Variants in KIF21B observed in about 807,000 individuals in gnomAD.
The protein encoded by KIF21B is kinesin-like protein KIF21B.
In KIF21B, 85 loss-of-function variants were observed where a neutral mutation model predicts 192.9. The observed-to-expected ratio is 0.44, with a 90% confidence interval of 0.37 to 0.53. The LOEUF (loss-of-function observed/expected upper bound fraction) is 0.53, where lower values mean the gene tolerates loss of function less well. KIF21B is among the 20% of genes least tolerant of loss of function. The pLI is 0.00. For missense variants in KIF21B, 1,716 were observed against 2,194.8 expected, an observed-to-expected ratio of 0.78 and a Z score of 4.36; for synonymous variants, 832 against 884.6, an observed-to-expected ratio of 0.94 and a Z score of 1.05.
At position 200,986,836 on chromosome 1, in the gene KIF21B, G is replaced by A; in HGVS notation, c.3689+8C>T. ...GACTCTGGAGCAGATTCTAGAACAT[G>A]ATCTCACCTAATGGGCTGCCCTCGG... On this transcript the variant is annotated splice_region_variant and intron_variant, in intron 26 of 34. Transcript: ENST00000461742. 3 of 1,609,336 alleles carry A rather than the reference G, an allele frequency of 1.9e-6. No homozygotes were observed. The highest frequency in any genetic ancestry group is 2.5e-6 in the Non-Finnish European group (3 of 1,177,060).
rs778081050 is a variant in KIF21B at position 201,004,423 on chromosome 1, C to T, written c.933G>A (p.Gly311=). 3 of 1,579,854 alleles carry T rather than the reference C, an allele frequency of 1.9e-6. No individual in the cohort carries two copies. The highest frequency in any genetic ancestry group is 1.8e-5 in the Admixed American group (1 of 54,308). Residue 311 remains glycine, a synonymous_variant, in exon 7 of 35, where the codon GGG becomes GGA. Transcript: ENST00000461742. ...CGTGCACCACCTTCTTGCTCTGGTC[C>T]CCTAAGGCGCTGATCACATTGCCCA... is the stretch of plus-strand genomic sequence containing the variant. The part of the protein sequence containing the change: ...LALGNVISAL[G]DQSKKVVHVP...
chr1:201,015,550 C>T (rs770166909), intron 1 of KIF21B, among the ~76,000 whole-genome samples: 1 of 152,240 alleles, frequency 6.6e-6, no homozygotes, highest in Non-Finnish European at 1.5e-5. Context: ...TGCCCTGATT[C>T]CATGATCTCT....
intron 8 of KIF21B, chr1:201,003,309 A>T (rs1344226243): frequency 3.9e-6 from 2 of 515,418 alleles, no homozygotes; most frequent in Non-Finnish European, 7.1e-6. Flanking sequence ...TGTGCACAAG[A>T]TCTATGCAAC....
At position 200,990,889 on chromosome 1, in the gene KIF21B, A is replaced by C; in HGVS notation, c.2687+28T>G. 1 of 1,611,738 alleles carries C rather than the reference A, an allele frequency of 6.2e-7. No individual in the cohort carries two copies. The highest frequency in any genetic ancestry group is 1.1e-5 in the South Asian group (1 of 91,040). On this transcript the variant is annotated intron_variant, in intron 18 of 34. Transcript: ENST00000461742. The surrounding 1 kb of genome is among the most constrained non-coding windows in gnomAD (Gnocchi z 5.4). ...ATATTCCCACCCCCTCTGCCTGCAC[A>C]GGCCAGGGGACTGCCAGTCCACCTT...
chr1:200,973,878 T>C (rs921946241), intron 34 of KIF21B: 23 of 1,455,110 alleles, frequency 1.6e-5, no homozygotes, highest in Non-Finnish European at 1.6e-5. Context: ...ACCCATCTCC[T>C]GGGGCCTGTC....
Position 201,007,327 on chromosome 1 carries a change from GACAC to G in KIF21B, c.447+1438_447+1441del, listed in dbSNP as rs1247853163. On this transcript the variant is annotated intron_variant, in intron 3 of 34. Transcript: ENST00000461742. The stretch of plus-strand genomic sequence containing the variant: ...ACAGACACGGACACAGAGACACACA[GACAC>G]ACACACAGACACAGAGACACATAGA... Among the ~76,000 whole-genome samples the G allele has an allele frequency of 7.9e-5, 4 of 50,346 alleles. 1 individual carries two copies. The highest frequency in any genetic ancestry group is 1.5e-4 in the Non-Finnish European group (4 of 27,116). The allele number at this position is 50,346 out of a possible 152,430, so 33.0% of individuals were successfully genotyped here. A position where few individuals can be genotyped will look rare whatever the true frequency, so the allele number is the denominator to read the frequency against.
intron 16 of KIF21B, among the ~76,000 whole-genome samples, chr1:200,991,996 T>C (rs1656731265): frequency 6.6e-6 from 1 of 152,236 alleles, no homozygotes; most frequent in Non-Finnish European, 1.5e-5. Flanking sequence ...TACTGGGGCT[T>C]CTCTGCAGGG....
At chr1:200,987,316 T>A in intron 24 of KIF21B, 115 bp from the exon 25 acceptor site, 1 of 905,564 alleles carries the variant, frequency 1.1e-6, no homozygotes, top group Non-Finnish European at 1.7e-6. Flanking sequence ...CATGGCTCAC[T>A]GCAGCCTCAA....
chr1:200,973,261 C>G lies in KIF21B; in HGVS notation c.*260G>C. 1 of 424,826 alleles carries G rather than the reference C, an allele frequency of 2.4e-6. No individual in the cohort carries two copies. Among genetic ancestry groups the G allele is most frequent in the Non-Finnish European group, 4.1e-6 (1 of 246,812 alleles). The allele number at this position is 424,826 out of a possible 1,614,324, so 26.3% of individuals were successfully genotyped here. ...GTGGCCACGACTGCCAGGAGGGGAA[C>G]AAGAAGGGATAATGCCCTTTGGCTT... On this transcript the variant is annotated 3_prime_UTR_variant, in exon 35 of 35. Transcript: ENST00000461742.
At chr1:200,973,748 G>A (rs1473523091) in intron 34 of KIF21B, 170 bp from the exon 35 acceptor site, 16 of 1,469,448 alleles carry the variant, frequency 1.1e-5, no homozygotes, top group Non-Finnish European at 1.3e-5. Flanking sequence ...TGGGGTGCTG[G>A]GCAGATGGAG....
rs768745476 is a variant in KIF21B at position 200,998,589 on chromosome 1, A to T, written c.1886-14T>A. On this transcript the variant is annotated splice_polypyrimidine_tract_variant and intron_variant, in intron 13 of 34. Transcript: ENST00000461742. The surrounding 1 kb of genome is among the most constrained non-coding windows in gnomAD (Gnocchi z 4.3). The stretch of plus-strand genomic sequence containing the variant: ...GGAAGTTCACCTCTATGGGGGCACA[A>T]TCAGGCTCAGCCCAGCGTTAGGGCG... 7 of 1,611,362 alleles carry T rather than the reference A, an allele frequency of 4.3e-6. No homozygotes were observed. In the South Asian group the frequency reaches 6.6e-5, roughly 15 times the overall value.
At chr1:200,991,188 G>C in intron 17 of KIF21B, 39 bp from the exon 18 acceptor site, 1 of 1,561,894 alleles carries the variant, frequency 6.4e-7, no homozygotes, top group Non-Finnish European at 8.8e-7. Context: ...CGGTGAGCAG[G>C]GTGGCCTGGA....
At chr1:200,993,802 T>C (rs1277687281) in intron 15 of KIF21B, among the ~76,000 whole-genome samples, 1 of 103,400 alleles carries the variant, frequency 9.7e-6, no homozygotes, top group Non-Finnish European at 1.9e-5. Flanking sequence ...AAAAACGAAA[T>C]GGCATGAGGG....
rs1192776069 is a variant in KIF21B at position 200,973,647 on chromosome 1, A to G, written c.4815-69T>C. ...AGTGGGCTTGGCTGGCTGCCCCCAA[A>G]AGTAGAGGATGAACTGGATTCCCCA... On this transcript the variant is annotated intron_variant, in intron 34 of 34. Coordinates refer to ENST00000461742, the MANE Select transcript of KIF21B (RefSeq NM_001252102.2). 4 of 1,516,722 alleles carry G rather than the reference A, an allele frequency of 2.6e-6. No homozygotes were observed. The African/African-American group carries it at 4.2e-5, about 16-fold the overall frequency. The allele number at this position is 1,516,722 out of a possible 1,614,324, so 94.0% of individuals were successfully genotyped here. A position where few individuals can be genotyped will look rare whatever the true frequency, so the allele number is the denominator to read the frequency against.
chr1:201,009,275 G>A lies in KIF21B; in HGVS notation c.255C>T (p.Ala85=). 1.2e-6 allele frequency: 2 copies of A among 1,614,110 alleles called. No homozygotes were observed. The highest frequency in any genetic ancestry group is 4.5e-5 in the East Asian group (2 of 44,894). The part of the protein sequence containing the change: ...CFEGYNATVL[A]YGQTGAGKTY... ...CGTGAAGATGGCTTACCTGCCCATA[G>A]GCCAGCACCGTGGCATTATAGCCCT... The change falls in exon 2 of 35, where the codon GCC becomes GCT. Residue 85 remains alanine (A), a synonymous_variant. Transcript: ENST00000461742.
chr1:201,003,586 C>T lies in KIF21B; in HGVS notation c.1212G>A (p.Ala404=), dbSNP rs371524692. 43 of 1,613,232 alleles carry T rather than the reference C, an allele frequency of 2.7e-5. No homozygotes were observed. The highest frequency in any genetic ancestry group is 6.7e-5 in the East Asian group (3 of 44,896). ...GGGCAATGCCCAGGAGCATGCTCAC[C>T]GCCTTATACTCCATCAGCTCCATCT... The part of the protein sequence containing the change: ...RLQMELMEYK[A]GKRVIGEDGA... The change falls in exon 8 of 35, where the codon GCG becomes GCA. Residue 404 remains alanine, a splice_region_variant and synonymous_variant. Transcript: ENST00000461742.
chr1:201,005,437 G>T lies in KIF21B; in HGVS notation c.603C>A (p.Ile201=), dbSNP rs1657756149. The change falls in exon 5 of 35, where the codon ATC becomes ATA. Residue 201 remains isoleucine (I), a synonymous_variant. Coordinates refer to ENST00000461742, the MANE Select transcript of KIF21B (RefSeq NM_001252102.2). ...SRLIHSQEEL[I]QCLKQGALSR... is the part of the protein sequence containing the mutation. ...ACAGGGCCCCCTGCTTCAGGCACTG[G>T]ATCAGCTGGAAACAGAAGCAGAAGT... The T allele has an allele frequency of 6.2e-7, 1 of 1,606,738 alleles. No individual in the cohort carries two copies.
chr1:201,004,866 G>C lies in KIF21B; in HGVS notation c.800C>G (p.Ala267Gly). 6.2e-7 allele frequency: 1 copy of C among 1,614,126 alleles called. No individual in the cohort carries two copies. The highest frequency in any genetic ancestry group is 2.2e-5 in the East Asian group (1 of 44,872). The change falls in exon 6 of 35, where the codon GCT becomes GGT. Residue 267 changes from alanine (A) to glycine (G), a missense_variant. Ala to Gly is a moderately conservative substitution (Grantham distance 60). This residue lies in a region of KIF21B where 1,087 missense variants were observed against 1,316.6 expected (regional missense o/e 0.83). Coordinates refer to ENST00000461742, the MANE Select transcript of KIF21B (RefSeq NM_001252102.2). Reference sequence around the variant, plus strand: ...GGCCAGGTCCACAAAGTGAAACTTAGCAGTGAGTGTCTCATACTCACTCGA... The same window carrying C: ...GGCCAGGTCCACAAAGTGAAACTTACCAGTGAGTGTCTCATACTCACTCGA... ...PPSSEYETLT[A>G]KFHFVDLAGS... is the part of the protein sequence containing the mutation.
In KIF21B at chr1:201,003,713, T is replaced by C. The variant is rs767565146; in HGVS notation, c.1085A>G (p.Lys362Arg). The C allele has an allele frequency of 1.2e-6, 2 of 1,614,220 alleles. No homozygotes were observed. The highest frequency in any genetic ancestry group is 1.7e-6 in the Non-Finnish European group (2 of 1,180,030). Residue 362 changes from lysine to arginine, a missense_variant, in exon 8 of 35, where the codon AAA becomes AGA. Coordinates refer to ENST00000461742, the MANE Select transcript of KIF21B (RefSeq NM_001252102.2). ...RDFMETLNTL[K>R]YANRARNIKN... The stretch of plus-strand genomic sequence containing the variant: ...GATGTTGCGGGCCCGATTGGCATAT[T>C]TGAGTGTGTTGAGGGTCTCCATGAA...
Sources: allele counts gnomAD v4.1 joint callset (sites outside exome capture counted in the v4.1 genomes callset), GRCh38; gene constraint gnomAD v4.1.1; regional missense constraint gnomAD v4.1.1; non-coding constraint Gnocchi (gnomAD v3.1); transcripts MANE v1.5; gene names NCBI Gene and HGNC (gene_info 2026-07-23, HGNC 2026-07-21).